Variants in DNAH8 observed in about 807,000 individuals in gnomAD.
DNAH8 encodes the protein axonemal beta dynein heavy chain 8.
A neutral mutation model predicts 562.1 loss-of-function variants in DNAH8; 382 were observed. The ratio of observed to expected loss-of-function variants is 0.68; its 90% CI spans 0.63 to 0.74. The LOEUF is 0.74. Among genes scored for constraint, DNAH8 ranks in the 30% least tolerant of loss-of-function variants. DNAH8 has a pLI of 0.00. For missense variants in DNAH8, 5,203 were observed against 5,620.4 expected, an observed-to-expected ratio of 0.93 and a Z score of 2.37; for synonymous variants, 1,881 against 1,919.4, an observed-to-expected ratio of 0.98 and a Z score of 0.52.
intron 81 of DNAH8, among the ~76,000 whole-genome samples, chr6:38,950,292 T>A (rs1199833765): frequency 6.7e-6 from 1 of 149,872 alleles, no homozygotes; most frequent in African/African-American, 2.5e-5. Context: ...AAATGAGAGG[T>A]AGAGTTATTT....
In DNAH8 at chr6:38,834,607, C is replaced by A. The variant is rs1774126683; in HGVS notation, c.4331C>A (p.Pro1444His). 6.2e-7 allele frequency: 1 copy of A among 1,605,222 alleles called. No individual in the cohort carries two copies. The change falls in exon 32 of 93, where the codon CCC (proline) becomes CAC (histidine). Residue 1444 changes from proline (P) to histidine (H), a missense_variant. Pro to His is a moderately conservative substitution (Grantham distance 77). Around this residue, in one of 6 missense-constraint regions of DNAH8, gnomAD observed 2,176 missense variants for 2,365.1 expected, o/e 0.92. Coordinates refer to ENST00000327475, the MANE Select transcript of DNAH8 (RefSeq NM_001206927.2). The part of the protein sequence containing the change: ...LEGPMVPNIP[P>H]QEASNRLQIF... ...GGACCTATGGTTCCAAATATACCACCCCAAGAAGCTAGCAACAGGCTACAG... is the reference window on the plus strand; with the variant it reads ...GGACCTATGGTTCCAAATATACCACACCAAGAAGCTAGCAACAGGCTACAG...
chr6:38,949,943 C>T (rs1289999887), intron 81 of DNAH8, among the ~76,000 whole-genome samples: 1 of 151,988 alleles, frequency 6.6e-6, no homozygotes, highest in Non-Finnish European at 1.5e-5. Flanking sequence ...TTTAAAAAAA[C>T]AGACCTCACA....
At chr6:38,765,763 T>A (rs1480884514) in intron 11 of DNAH8, among the ~76,000 whole-genome samples, 2 of 152,142 alleles carry the variant, frequency 1.3e-5, no homozygotes, top group Non-Finnish European at 2.9e-5. Flanking sequence ...GCTTTGCAAA[T>A]TAAAAACCAC....
intron 61 of DNAH8, 28 bp from the exon 62 acceptor site, chr6:38,899,748 A>G (rs1406266829): frequency 8.7e-6 from 14 of 1,611,598 alleles, no homozygotes; most frequent in Non-Finnish European, 1.1e-5. Flanking sequence ...TCTTTTTTCA[A>G]ATAAGCACGT....
chr6:38,866,184 C>T (rs1215895100), intron 45 of DNAH8, among the ~76,000 whole-genome samples: 1 of 152,130 alleles, frequency 6.6e-6, no homozygotes, highest in Non-Finnish European at 1.5e-5. Context: ...AAAAAAATGC[C>T]CAAGGAAGCT....
intron 57 of DNAH8, among the ~76,000 whole-genome samples, chr6:38,889,522 A>G (rs909123892): frequency 6.6e-6 from 1 of 152,142 alleles, no homozygotes; most frequent in Non-Finnish European, 1.5e-5. Context: ...TTATTTGTTA[A>G]GCTATTTGAC....
At chr6:38,882,854 G>A (rs1778606497) in intron 53 of DNAH8, 56 bp from the exon 54 acceptor site, 1 of 1,220,534 alleles carries the variant, frequency 8.2e-7, no homozygotes, top group Non-Finnish European at 1.1e-6. Context: ...TTTGTATTAT[G>A]AGATAACTTT....
At chr6:38,778,508 C>A in intron 14 of DNAH8, 44 bp downstream of exon 14, 1 of 1,145,706 alleles carries the variant, frequency 8.7e-7, no homozygotes, top group Non-Finnish European at 1.3e-6. Context: ...GGGGGAATAA[C>A]TTTAAATCTA....
chr6:38,920,899 A>G (rs1437345776), intron 70 of DNAH8, among the ~76,000 whole-genome samples: 1 of 152,048 alleles, frequency 6.6e-6, no homozygotes, highest in Non-Finnish European at 1.5e-5. Context: ...ATAATTAAAA[A>G]AATTTTTTTG....
At chr6:38,845,458 A>G (rs950964426) in intron 35 of DNAH8, 116 bp from the exon 36 acceptor site, 1 of 702,902 alleles carries the variant, frequency 1.4e-6, no homozygotes, top group African/African-American at 1.8e-5. Flanking sequence ...AAAATGACTA[A>G]ATGAACTGGG....
rs775998449 is a variant in DNAH8, at chr6:38,909,675, G to T, written c.9671G>T (p.Arg3224Ile). 5.6e-6 allele frequency: 9 copies of T among 1,613,996 alleles called. No individual in the cohort carries two copies. The highest frequency in any genetic ancestry group is 5.1e-6 in the Non-Finnish European group (6 of 1,179,984). Residue 3224 changes from arginine to isoleucine, a missense_variant, in exon 65 of 93, where the codon AGA becomes ATA. Around this residue, in one of 6 missense-constraint regions of DNAH8, gnomAD observed 977 missense variants for 1,061.8 expected, o/e 0.92. Coordinates refer to ENST00000327475, the MANE Select transcript of DNAH8 (RefSeq NM_001206927.2). ...YNIVCSSEIK[R>I]QVVETMGLFH... is the part of the protein sequence containing the mutation. ...ATTGTCTGCTCTAGTGAAATTAAAA[G>T]ACAAGTTGTAGAAACAATGGGCCTG...
chr6:38,813,972 T>C, intron 24 of DNAH8, 82 bp from the exon 25 acceptor site: 1 of 991,438 alleles, frequency 1.0e-6, no homozygotes, highest in Admixed American at 2.0e-5. Context: ...TCTTTATTGT[T>C]CGGACTGAAT....
intron 26 of DNAH8, among the ~76,000 whole-genome samples, chr6:38,818,117 C>T (rs1444381246): frequency 6.6e-6 from 1 of 152,006 alleles, no homozygotes; most frequent in Non-Finnish European, 1.5e-5. Flanking sequence ...ATTGTGTTTT[C>T]TGAGATTATG....
chr6:38,832,679 C>T (rs533989126), intron 31 of DNAH8, among the ~76,000 whole-genome samples: 11 of 152,308 alleles, frequency 7.2e-5, no homozygotes, highest in Non-Finnish European at 1.3e-4. Context: ...CTAACACTAA[C>T]GATAGCTGAT....
intron 21 of DNAH8, among the ~76,000 whole-genome samples, chr6:38,793,547 T>G (rs886622601): frequency 6.6e-6 from 1 of 152,220 alleles, no homozygotes; most frequent in Non-Finnish European, 1.5e-5. Flanking sequence ...TTTGTTCTTG[T>G]AAAGAACATT....
intron 1 of DNAH8, among the ~76,000 whole-genome samples, chr6:38,722,328 A>C (rs1562541030): frequency 6.6e-6 from 1 of 152,190 alleles, no homozygotes; most frequent in Non-Finnish European, 1.5e-5. Context: ...TGAAGCAAGG[A>C]ACCTTTAGAG....
In DNAH8 at chr6:38,954,800, G is replaced by C. The variant is rs887015466; in HGVS notation, c.12451+3280G>C. Among the ~76,000 whole-genome samples the C allele has an allele frequency of 3.9e-5, 6 of 151,914 alleles. No homozygotes were observed. In the East Asian group the frequency reaches 5.8e-4, roughly 15 times the overall value. ...GAATTTAGAAAATTTCCTCAGAAAA[G>C]GTAGAAAACCCTGAATAAACCAATA... is the stretch of plus-strand genomic sequence containing the variant. On this transcript the variant is annotated intron_variant, in intron 82 of 92. Coordinates refer to ENST00000327475, the MANE Select transcript of DNAH8 (RefSeq NM_001206927.2).
intron 58 of DNAH8, among the ~76,000 whole-genome samples, chr6:38,892,073 C>G (rs1178815907): frequency 6.6e-6 from 1 of 152,102 alleles, no homozygotes; most frequent in Non-Finnish European, 1.5e-5. Context: ...TTCAGAGGGT[C>G]CCCATAGTCT....
At chr6:38,840,093 A>G (rs1774653320) in intron 33 of DNAH8, among the ~76,000 whole-genome samples, 1 of 152,234 alleles carries the variant, frequency 6.6e-6, no homozygotes, top group Non-Finnish European at 1.5e-5. Flanking sequence ...CTAACTCCTC[A>G]TCGGCTGTCA....
Sources: allele counts gnomAD v4.1 joint callset (sites outside exome capture counted in the v4.1 genomes callset), GRCh38; gene constraint gnomAD v4.1.1; regional missense constraint gnomAD v4.1.1; transcripts MANE v1.5; gene names NCBI Gene and HGNC (gene_info 2026-07-23, HGNC 2026-07-21).